The following STK17B variants were observed in gnomAD, a reference collection of about 807,000 sequenced individuals.
STK17B encodes the protein serine/threonine-protein kinase 17B.
Under a neutral mutation model 42.0 loss-of-function variants are expected in STK17B, and 21 were observed. The ratio of observed to expected loss-of-function variants is 0.50; its 90% CI spans 0.35 to 0.72. The LOEUF (loss-of-function observed/expected upper bound fraction) is 0.72. STK17B is among the 30% of genes least tolerant of loss of function. The probability of loss-of-function intolerance (pLI) is 0.00; values close to 1 mark genes in which losing one functional copy is unlikely to be tolerated. For missense variants in STK17B, 349 were observed against 446.0 expected, an observed-to-expected ratio of 0.78 and a Z score of 1.96; for synonymous variants, 143 against 148.4, an observed-to-expected ratio of 0.96 and a Z score of 0.26.
intron 3 of STK17B, chr2:196,156,203 A>C (rs1051541207): frequency 2.9e-6 from 1 of 349,604 alleles, no homozygotes; most frequent in Non-Finnish European, 5.2e-6. Context: ...TCATTTCTCC[A>C]CATTCCTCAA....
chr2:196,143,805 C>T (rs1568368), intron 4 of STK17B, 119 bp from the exon 5 acceptor site: 592,354 of 906,526 alleles, frequency 0.65, 196,484 homozygotes, highest in East Asian at 0.92. Context: ...TTGAGTCATG[C>T]ATCAAACATT....
Position 196,134,417 on chromosome 2 carries a change from T to C in STK17B, c.*3030A>G, listed in dbSNP as rs1349576863. On this transcript the variant is annotated 3_prime_UTR_variant, in exon 8 of 8. Coordinates refer to ENST00000263955, the MANE Select transcript of STK17B (RefSeq NM_004226.4). ...CTCGAATCCTGCTGTGAACCACACG[T>C]GCAAGAGATCTAGGTTGCATGCTCC... 4 of 152,310 alleles carry C rather than the reference T, an allele frequency of 2.6e-5. No homozygotes were observed. The highest frequency in any genetic ancestry group is 9.6e-5 in the African/African-American group (4 of 41,570). 9.4% of individuals were successfully genotyped at this position (152,310 alleles called of 1,614,324 possible).
intron 7 of STK17B, 74 bp from the exon 8 acceptor site, chr2:196,137,803 T>C (rs573263619): frequency 1.7e-5 from 25 of 1,484,864 alleles, no homozygotes; most frequent in South Asian, 9.5e-5. Context: ...TGATAGATTA[T>C]AGACATATTT....
At chr2:196,175,442 A>G (rs1262194242), upstream of STK17B, among the ~76,000 whole-genome samples, 1 of 152,196 alleles carries the variant, frequency 6.6e-6, no homozygotes, top group Non-Finnish European at 1.5e-5. Context: ...CCTGGCCAAC[A>G]TGGTGAAACC....
At chr2:196,137,823 T>C in intron 7 of STK17B, 94 bp from the exon 8 acceptor site, 3 of 1,381,396 alleles carry the variant, frequency 2.2e-6, no homozygotes, top group Non-Finnish European at 2.9e-6. Flanking sequence ...TTTTACTTCT[T>C]GTGAAAATAA....
rs538478091 is a variant in STK17B, at chr2:196,144,834, A to G, written c.480+1077T>C. 2.0e-5 allele frequency among the ~76,000 whole-genome samples: 3 copies of G among 152,240 alleles called. No individual in the cohort carries two copies. In the East Asian group the frequency reaches 5.8e-4, roughly 29 times the overall value. On this transcript the variant is annotated intron_variant, in intron 4 of 7. Transcript: ENST00000263955. ...CCCAAAATCTGTGCAAAGAATTATA[A>G]CAGTCGCTTAACTTTGGGGCAATCT...
chr2:196,175,543 T>C (rs1419227369), upstream of STK17B, among the ~76,000 whole-genome samples: 1 of 152,166 alleles, frequency 6.6e-6, no homozygotes, highest in Non-Finnish European at 1.5e-5. Flanking sequence ...GGAGAATCAC[T>C]TGAACGCAGG....
chr2:196,136,161 C>G lies in STK17B; in HGVS notation c.*1286G>C, dbSNP rs928808030. The G allele has an allele frequency of 6.6e-6, 1 of 152,216 alleles. No homozygotes were observed. Among genetic ancestry groups the G allele is most frequent in the Non-Finnish European group, 1.5e-5 (1 of 68,040 alleles). The allele number at this position is 152,216 out of a possible 1,614,324, so 9.4% of individuals were successfully genotyped here. ...ATACAGCAACATGGTCATGAGATCA[C>G]AGTTATCGTAACATGATAACAGACC... is the stretch of plus-strand genomic sequence containing the variant. On this transcript the variant is annotated 3_prime_UTR_variant, in exon 8 of 8. Coordinates refer to ENST00000263955, the MANE Select transcript of STK17B (RefSeq NM_004226.4).
At position 196,143,600 on chromosome 2, in the gene STK17B, C is replaced by G. The variant is rs369106843; in HGVS notation, c.567G>C (p.Ala189=). 8 of 1,608,406 alleles carry G rather than the reference C, an allele frequency of 5.0e-6. No homozygotes were observed. Among genetic ancestry groups the G allele is most frequent in the Non-Finnish European group, 6.8e-6 (8 of 1,177,600 alleles). ...TTCCCATGATTTCCCGAAGTTCACA[C>G]GCATGCCCTATTTTTCGAGACATTC... ...DFGMSRKIGH[A]CELREIMGTP... The change falls in exon 5 of 8, where the codon GCG becomes GCC. Residue 189 remains alanine (A), a synonymous_variant. Coordinates refer to ENST00000263955, the MANE Select transcript of STK17B (RefSeq NM_004226.4).
chr2:196,171,059 C>T (rs2105720076), intron 1 of STK17B: 1 of 152,576 alleles, frequency 6.6e-6, no homozygotes, highest in South Asian at 2.1e-4. Flanking sequence ...CACGCACAGA[C>T]ACAGACACGC....
chr2:196,141,607 T>A (rs1393407666), intron 5 of STK17B, among the ~76,000 whole-genome samples: 2 of 152,152 alleles, frequency 1.3e-5, no homozygotes, highest in African/African-American at 4.8e-5. Flanking sequence ...TGCAGTGAGC[T>A]GAGATCCCAC....
intron 3 of STK17B, among the ~76,000 whole-genome samples, 183 bp from the exon 4 acceptor site, chr2:196,146,238 G>A (rs7599244): frequency 0.48 from 73,270 of 152,070 alleles, 20,301 homozygotes; most frequent in South Asian, 0.63. Flanking sequence ...TGGGTGCGGT[G>A]GCTCATGTCT....
intron 1 of STK17B, among the ~76,000 whole-genome samples, chr2:196,164,705 G>T (rs1463362683): frequency 6.6e-6 from 1 of 152,018 alleles, no homozygotes; most frequent in Non-Finnish European, 1.5e-5. Context: ...AGTGTCATTA[G>T]AGTTCAGCGT....
At chr2:196,156,345 A>G in intron 3 of STK17B, 94 bp downstream of exon 3, 2 of 1,073,970 alleles carry the variant, frequency 1.9e-6, no homozygotes, top group Non-Finnish European at 2.6e-6. Flanking sequence ...AGGAATCTTT[A>G]CAAGTTCTTG....
chr2:196,137,421 G>A lies in STK17B; in HGVS notation c.*26C>T. The A allele has an allele frequency of 6.2e-7, 1 of 1,603,264 alleles. No individual in the cohort carries two copies. Among genetic ancestry groups the A allele is most frequent in the South Asian group, 1.1e-5 (1 of 89,438 alleles). On this transcript the variant is annotated 3_prime_UTR_variant, in exon 8 of 8. Coordinates refer to ENST00000263955, the MANE Select transcript of STK17B (RefSeq NM_004226.4). ...GAGTGGATATAAAATTTCAAATTCA[G>A]TCCAAATGAGTCAAAGAAAAAAGTG...
intron 2 of STK17B, among the ~76,000 whole-genome samples, chr2:196,156,990 C>A (rs1014410868): frequency 6.6e-6 from 1 of 152,080 alleles, no homozygotes; most frequent in African/African-American, 2.4e-5. Flanking sequence ...CATGGCAAAA[C>A]CCTGTCTCTA....
In STK17B at chr2:196,145,931, T is replaced by C; in HGVS notation, c.460A>G (p.Ile154Val). Reference protein sequence around the residue: ...EGVYYLHQNNIVHLDLKPQNI... With the variant: ...EGVYYLHQNNVVHLDLKPQNI... ...GTTACCTTTAAATCAAGGTGTACAA[T>C]GTTATTCTGATGTAGATAATAAACT... Residue 154 changes from isoleucine (I) to valine (V), a missense_variant, in exon 4 of 8, where the codon ATT becomes GTT. Physicochemically the swap from Ile to Val is conservative, Grantham distance 29. Transcript: ENST00000263955. 2 of 1,588,478 alleles carry C rather than the reference T, an allele frequency of 1.3e-6. No individual in the cohort carries two copies. Among genetic ancestry groups the C allele is most frequent in the Non-Finnish European group, 1.7e-6 (2 of 1,173,122 alleles).
chr2:196,137,565 C>G lies in STK17B; in HGVS notation c.1001G>C (p.Cys334Ser), dbSNP rs1286486560. 1.2e-6 allele frequency: 2 copies of G among 1,614,104 alleles called. No individual in the cohort carries two copies. Among genetic ancestry groups the G allele is most frequent in the Non-Finnish European group, 1.7e-6 (2 of 1,179,994 alleles). Reference protein sequence around the residue: ...KTSKSSCNGTCGDREDKENIP... With the variant: ...KTSKSSCNGTSGDREDKENIP... ...ATTCTCTTTGTCTTCTCTATCACCA[C>G]AGGTTCCATTACAGGAGGATTTAGA... The change falls in exon 8 of 8, where the codon TGT becomes TCT. Residue 334 changes from cysteine to serine, a missense_variant. Transcript: ENST00000263955.
chr2:196,161,264 A>T (rs1699808408), intron 2 of STK17B, among the ~76,000 whole-genome samples: 1 of 151,708 alleles, frequency 6.6e-6, no homozygotes, highest in African/African-American at 2.4e-5. Flanking sequence ...TCAATGTGAG[A>T]TACAGGAAAC....
Sources: allele counts gnomAD v4.1 joint callset (sites outside exome capture counted in the v4.1 genomes callset), GRCh38; gene constraint gnomAD v4.1.1; transcripts MANE v1.5; gene names NCBI Gene and HGNC (gene_info 2026-07-23, HGNC 2026-07-21).